Variants in DMD observed in about 807,000 individuals in gnomAD.
DMD encodes mutant dystrophin.
In DMD, 63 loss-of-function variants were observed where a neutral mutation model predicts 330.1. The ratio of observed to expected loss-of-function variants is 0.19; its 90% CI spans 0.16 to 0.24. DMD has a LOEUF of 0.24. DMD is among the 10% of genes least tolerant of loss of function. The pLI is 1.00. For missense variants in DMD, 3,344 were observed against 2,684.1 expected (o/e 1.25, Z -5.43); for synonymous variants, 1,223 against 959.8 (o/e 1.27, Z -5.07).
chrX:32,492,908 C>T (rs542847454), intron 19 of DMD, among the ~76,000 whole-genome samples: 1 of 111,124 alleles, frequency 9.0e-6, no homozygotes, highest in Non-Finnish European at 1.9e-5. Flanking sequence ...AAGGTTCTTT[C>T]TCTAGGTTAA....
intron 56 of DMD, among the ~76,000 whole-genome samples, chrX:31,504,736 C>G (rs771287697): frequency 1.8e-5 from 2 of 111,812 alleles, no homozygotes; most frequent in Non-Finnish European, 3.8e-5. Flanking sequence ...TTGATCAATA[C>G]CCTAATTTCA....
intron 44 of DMD, among the ~76,000 whole-genome samples, chrX:31,971,488 G>A (rs1392693614): frequency 9.0e-6 from 1 of 111,217 alleles, no homozygotes; most frequent in East Asian, 2.8e-4. Flanking sequence ...GGGCTTTCAG[G>A]TTTTTTTAAT....
At chrX:32,269,969 C>T (rs1302226521) in intron 43 of DMD, among the ~76,000 whole-genome samples, 1 of 112,118 alleles carries the variant, frequency 8.9e-6, no homozygotes, top group Non-Finnish European at 1.9e-5. Context: ...TATTGCAAAG[C>T]TACTTATTTA....
At chrX:31,653,237 T>C (rs182338374) in intron 54 of DMD, among the ~76,000 whole-genome samples, 43 of 111,758 alleles carry the variant, frequency 3.8e-4, no homozygotes, top group African/African-American at 1.3e-3. Context: ...TGTTTTCAGA[T>C]GATCAACTAT....
intron 7 of DMD, among the ~76,000 whole-genome samples, chrX:32,783,216 A>G (rs2075003423): frequency 1.0e-5 from 1 of 99,263 alleles, no homozygotes; most frequent in Admixed American, 1.1e-4. Context: ...ACATATGTGT[A>G]TATACGTGTA....
At chrX:32,285,834 G>C (rs955380603) in intron 43 of DMD, among the ~76,000 whole-genome samples, 1 of 110,767 alleles carries the variant, frequency 9.0e-6, no homozygotes, top group Non-Finnish European at 1.9e-5. Flanking sequence ...CGAGTAGCTG[G>C]GACTACAAGC....
intron 62 of DMD, among the ~76,000 whole-genome samples, chrX:31,297,949 T>C (rs1300948814): frequency 8.9e-6 from 1 of 112,082 alleles, no homozygotes; most frequent in African/African-American, 3.2e-5. Flanking sequence ...GTTCAAGTTA[T>C]CTATAGACTC....
chrX:31,458,693 G>A (rs767987696), intron 59 of DMD, among the ~76,000 whole-genome samples: 3 of 109,781 alleles, frequency 2.7e-5, no homozygotes, highest in Non-Finnish European at 5.7e-5. Context: ...ATCTAAAGGA[G>A]AATACAATTT....
intron 44 of DMD, among the ~76,000 whole-genome samples, chrX:32,087,546 C>T (rs148528570): frequency 2.1e-3 from 233 of 111,568 alleles, no homozygotes; most frequent in African/African-American, 7.5e-3. Flanking sequence ...ACTGATACAT[C>T]GTGTTGTGCG....
intron 4 of DMD, among the ~76,000 whole-genome samples, chrX:32,842,404 A>G: frequency 8.9e-6 from 1 of 112,236 alleles, no homozygotes; most frequent in East Asian, 2.8e-4. Flanking sequence ...GTGTAAACAA[A>G]CAAACAAACA....
At chrX:31,973,573 G>A (rs1052372868) in intron 44 of DMD, among the ~76,000 whole-genome samples, 1 of 110,651 alleles carries the variant, frequency 9.0e-6, no homozygotes, top group Non-Finnish European at 1.9e-5. Flanking sequence ...GTCTCCTGCC[G>A]CTTCTCCTCC....
chrX:31,538,169 C>T (rs925775271), intron 55 of DMD, among the ~76,000 whole-genome samples: 12 of 111,944 alleles, frequency 1.1e-4, no homozygotes, highest in African/African-American at 3.9e-4. Context: ...TCACAGCTAA[C>T]GGGGGCTGAG....
chrX:32,815,520 T>TATATATACACACACACACACAC, intron 6 of DMD, among the ~76,000 whole-genome samples: 3 of 78,920 alleles, frequency 3.8e-5, no homozygotes, highest in African/African-American at 1.6e-4. Flanking sequence ...TATATATATA[T>TATATATACACACACACACACAC]ACACACACAC....
At chrX:32,757,719 G>A (rs906237016) in intron 7 of DMD, among the ~76,000 whole-genome samples, 1 of 112,057 alleles carries the variant, frequency 8.9e-6, no homozygotes, top group Admixed American at 9.5e-5. Context: ...CAGCCATGTA[G>A]AACTATGAGT....
chrX:32,350,411 A>G (rs1288769725), intron 37 of DMD, among the ~76,000 whole-genome samples: 1 of 111,223 alleles, frequency 9.0e-6, no homozygotes, highest in Non-Finnish European at 1.9e-5. Context: ...ACTGCTTACA[A>G]TACTAACTTC....
chrX:33,176,544 A>G (rs2049665680), intron 1 of DMD, among the ~76,000 whole-genome samples: 1 of 92,066 alleles, frequency 1.1e-5, no homozygotes, highest in Non-Finnish European at 2.2e-5. Context: ...GCAGCCACGA[A>G]AAAGCAAGCA....
chrX:32,645,813 A>T (rs2059746239), intron 9 of DMD, among the ~76,000 whole-genome samples: 2 of 112,512 alleles, frequency 1.8e-5, no homozygotes, highest in Non-Finnish European at 3.7e-5. Context: ...CAATTTAATT[A>T]GCAGGATATT....
At chrX:32,375,852 A>T (rs757783633) in intron 34 of DMD, among the ~76,000 whole-genome samples, 1 of 112,034 alleles carries the variant, frequency 8.9e-6, no homozygotes, top group Non-Finnish European at 1.9e-5. Context: ...TGATTTTTAT[A>T]ACATCTCTTT....
intron 44 of DMD, among the ~76,000 whole-genome samples, chrX:32,123,088 T>G: frequency 9.6e-6 from 1 of 104,560 alleles, no homozygotes; most frequent in Middle Eastern, 4.9e-3. Flanking sequence ...ATGAGACATG[T>G]GTAGTCTTAC....
Sources: allele counts gnomAD v4.1 joint callset (sites outside exome capture counted in the v4.1 genomes callset), GRCh38; gene constraint gnomAD v4.1.1; transcripts MANE v1.5; gene names NCBI Gene and HGNC (gene_info 2026-07-23, HGNC 2026-07-21).